PCM1: variants seen among roughly 807,000 people sequenced by gnomAD.
PCM1 encodes pericentriolar material 1, also known as pericentriolar material 1 protein.
A neutral mutation model predicts 241.9 loss-of-function variants in PCM1; 157 were observed. The ratio of observed to expected loss-of-function variants is 0.65; its 90% CI spans 0.57 to 0.74. The LOEUF (loss-of-function observed/expected upper bound fraction) is 0.74. Among genes scored for constraint, PCM1 ranks in the 30% least tolerant of loss-of-function variants. The pLI is 0.00. For missense variants in PCM1, 3,478 were observed against 2,360.1 expected (o/e 1.47, Z -9.81); for synonymous variants, 1,085 against 784.9 (o/e 1.38, Z -6.39).
In PCM1 at chr8:17,949,017, G is replaced by T. The variant is rs147704438; in HGVS notation, c.962-1598G>T. On this transcript the variant is annotated intron_variant, in intron 7 of 38. Coordinates refer to ENST00000325083, the MANE Select transcript of PCM1 (RefSeq NM_006197.4). ...GAATTTTAGCAGAATTACATTTCTT[G>T]AATTGTAGGTCAGGGGTCTTGTTTC... 9.3e-3 allele frequency among the ~76,000 whole-genome samples: 1,411 copies of T among 152,280 alleles called. 18 individuals are homozygous for T. Among genetic ancestry groups the T allele is most frequent in the Non-Finnish European group, 0.012 (801 of 68,008 alleles).
Position 18,027,719 on chromosome 8 carries a change from AC to A in PCM1, c.*58del. ...TTACATACTCAATGCATATATGAAA[AC>A]AATACTAAATAAACATCTGATCTGT... On this transcript the variant is annotated 3_prime_UTR_variant, in exon 39 of 39. Transcript: ENST00000325083. The A allele has an allele frequency of 8.1e-7, 1 of 1,241,306 alleles. No individual in the cohort carries two copies. Among genetic ancestry groups the A allele is most frequent in the Non-Finnish European group, 1.2e-6 (1 of 863,348 alleles). 76.9% of individuals were successfully genotyped at this position (1,241,306 alleles called of 1,614,324 possible). A position where few individuals can be genotyped will look rare whatever the true frequency, so the allele number is the denominator to read the frequency against.
chr8:17,969,503 ACTGT>A (rs1370296447), intron 21 of PCM1, 70 bp from the exon 22 acceptor site: 3 of 1,123,372 alleles, frequency 2.7e-6, no homozygotes, highest in Non-Finnish European at 3.9e-6. Context: ...TTTAATTAAA[ACTGT>A]CTTTTAATTT....
At chr8:17,959,667 T>G (rs2070699778) in intron 13 of PCM1, among the ~76,000 whole-genome samples, 1 of 152,194 alleles carries the variant, frequency 6.6e-6, no homozygotes, top group Non-Finnish European at 1.5e-5. Flanking sequence ...TTTCTATATG[T>G]ATTTTTTATA....
At chr8:17,953,336 G>A in intron 9 of PCM1, 150 bp downstream of exon 9, 1 of 455,270 alleles carries the variant, frequency 2.2e-6, no homozygotes, top group African/African-American at 2.0e-5. Flanking sequence ...TTTCTAAGTT[G>A]CAAGCCAATA....
intron 28 of PCM1, among the ~76,000 whole-genome samples, chr8:17,992,610 C>CTTTT (rs71545503): frequency 3.1e-5 from 4 of 128,428 alleles, no homozygotes; most frequent in Non-Finnish European, 1.6e-5. Context: ...ACTACTACTA[C>CTTTT]TTTTTTTTTT....
intron 36 of PCM1, among the ~76,000 whole-genome samples, chr8:18,020,406 T>C (rs556616020): frequency 6.6e-6 from 1 of 152,310 alleles, no homozygotes; most frequent in South Asian, 2.1e-4. Flanking sequence ...AGATCCAACA[T>C]GTCTTAATAA....
chr8:17,949,088 TA>T (rs976290235), intron 7 of PCM1, among the ~76,000 whole-genome samples: 3 of 152,174 alleles, frequency 2.0e-5, no homozygotes, highest in Non-Finnish European at 2.9e-5. Context: ...AATTTCTTTT[TA>T]AAAAATACTA....
rs925933756 is a variant in PCM1 at position 18,017,167 on chromosome 8, A to G, written c.5841+2327A>G. Among the ~76,000 whole-genome samples the G allele has an allele frequency of 6.1e-5, 5 of 82,632 alleles. No individual in the cohort carries two copies. The South Asian group carries it at 1.1e-3, about 18-fold the overall frequency. The allele number at this position is 82,632 out of a possible 152,430, so 54.2% of individuals were successfully genotyped here. On this transcript the variant is annotated intron_variant, in intron 36 of 38. Coordinates refer to ENST00000325083, the MANE Select transcript of PCM1 (RefSeq NM_006197.4). Reference sequence around the variant, plus strand: ...AACAACTGGAAAACATCTAGAAGCTATCCCCATGGTCTTTCCACAAAAGAT... The same window carrying G: ...AACAACTGGAAAACATCTAGAAGCTGTCCCCATGGTCTTTCCACAAAAGAT...
Position 17,947,376 on chromosome 8 carries a change from C to G in PCM1, c.961+13C>G. The G allele has an allele frequency of 1.9e-6, 3 of 1,546,538 alleles. No individual in the cohort carries two copies. The highest frequency in any genetic ancestry group is 2.6e-6 in the Non-Finnish European group (3 of 1,141,532). ...ATGGATGATTCTGGTATGTCACAGT[C>G]TGAGAATATTCTTTTTGTAAGGAAG... On this transcript the variant is annotated intron_variant, in intron 7 of 38. Transcript: ENST00000325083.
chr8:17,994,307 A>C lies in PCM1; in HGVS notation c.4827+688A>C, dbSNP rs114181530. On this transcript the variant is annotated intron_variant, in intron 29 of 38. Transcript: ENST00000325083. The stretch of plus-strand genomic sequence containing the variant: ...AAGTTTGTCTTTCTGTGCCTGGCTA[A>C]CTTCACTTAACATAATGACCTCCAG... Among the ~76,000 whole-genome samples, 1,164 of 152,242 alleles carry C rather than the reference A, an allele frequency of 7.6e-3. 10 individuals carry two copies. Among genetic ancestry groups the C allele is most frequent in the African/African-American group, 0.027 (1,118 of 41,524 alleles).
chr8:17,939,092 C>T, intron 5 of PCM1, 83 bp downstream of exon 5: 1 of 1,382,136 alleles, frequency 7.2e-7, no homozygotes, highest in Non-Finnish European at 1.0e-6. Flanking sequence ...AGGTTACGCA[C>T]ACAGGAATTT....
intron 35 of PCM1, among the ~76,000 whole-genome samples, chr8:18,014,342 C>A (rs1409574736): frequency 6.6e-6 from 1 of 151,916 alleles, no homozygotes; most frequent in East Asian, 1.9e-4. Context: ...GGCCTTATTA[C>A]TGAAAGTCCT....
chr8:17,972,264 C>T (rs775150969), intron 22 of PCM1, 65 bp from the exon 23 acceptor site: 2 of 875,316 alleles, frequency 2.3e-6, no homozygotes, highest in Non-Finnish European at 3.4e-6. Flanking sequence ...ACTATAAATT[C>T]AGTGTATTTG....
At position 17,938,726 on chromosome 8, in the gene PCM1, T is replaced by A; in HGVS notation, c.343-14T>A. The A allele has an allele frequency of 6.3e-7, 1 of 1,596,398 alleles. No individual in the cohort carries two copies. Among genetic ancestry groups the A allele is most frequent in the Non-Finnish European group, 8.6e-7 (1 of 1,166,250 alleles). ...GTTAATGTTTGTGTGATTTGATTTCTTTTTCATATATAGAGAAGCATTGGA... is the reference window on the plus strand; with the variant it reads ...GTTAATGTTTGTGTGATTTGATTTCATTTTCATATATAGAGAAGCATTGGA... On this transcript the variant is annotated splice_polypyrimidine_tract_variant and intron_variant, in intron 4 of 38. Coordinates refer to ENST00000325083, the MANE Select transcript of PCM1 (RefSeq NM_006197.4).
chr8:18,018,850 G>GTATA (rs1266240810), intron 36 of PCM1, among the ~76,000 whole-genome samples: 78 of 39,356 alleles, frequency 2.0e-3, no homozygotes, highest in East Asian at 5.5e-3. Context: ...GTGTGTGTGT[G>GTATA]TGTATATATA....
intron 29 of PCM1, among the ~76,000 whole-genome samples, chr8:18,005,055 G>A (rs2090865088): frequency 1.3e-5 from 2 of 152,050 alleles, no homozygotes; most frequent in Non-Finnish European, 2.9e-5. Context: ...TATCCAAGAG[G>A]TAAAATACTT....
chr8:17,952,882 A>T, intron 8 of PCM1, 88 bp from the exon 9 acceptor site: 1 of 793,288 alleles, frequency 1.3e-6, no homozygotes. Context: ...CTTTCTCTTT[A>T]TAAAGAATAT....
rs1296877934 is a variant in PCM1 at position 17,939,688 on chromosome 8, C to T, written c.613-3C>T. 2.0e-6 allele frequency: 3 copies of T among 1,494,426 alleles called. No individual in the cohort carries two copies. The highest frequency in any genetic ancestry group is 2.4e-5 in the Admixed American group (1 of 42,486). 92.6% of individuals were successfully genotyped at this position (1,494,426 alleles called of 1,614,324 possible). A position where few individuals can be genotyped will look rare whatever the true frequency, so the allele number is the denominator to read the frequency against. On this transcript the variant is annotated splice_polypyrimidine_tract_variant and splice_region_variant and intron_variant, in intron 5 of 38. Coordinates refer to ENST00000325083, the MANE Select transcript of PCM1 (RefSeq NM_006197.4). ...TTTTTTAAAAAAAATATTTCCCCTG[C>T]AGATTGTAAGCAGGCTTGTTCAAAT...
chr8:18,014,339 T>C (rs2092906252), intron 35 of PCM1, among the ~76,000 whole-genome samples: 1 of 152,102 alleles, frequency 6.6e-6, no homozygotes, highest in African/African-American at 2.4e-5. Flanking sequence ...GTAGGCCTTA[T>C]TACTGAAAGT....
Sources: allele counts gnomAD v4.1 joint callset (sites outside exome capture counted in the v4.1 genomes callset), GRCh38; gene constraint gnomAD v4.1.1; transcripts MANE v1.5; gene names NCBI Gene and HGNC (gene_info 2026-07-23, HGNC 2026-07-21).